The following MICU3 variants were observed in gnomAD, a reference collection of about 807,000 sequenced individuals.
The protein encoded by MICU3 is calcium uptake protein 3, mitochondrial.
In MICU3, 62 loss-of-function variants were observed where a neutral mutation model predicts 66.5. The ratio of observed to expected loss-of-function variants is 0.93; its 90% CI spans 0.76 to 1.15. MICU3 has a LOEUF of 1.15. MICU3 is among the 50% of genes most tolerant of loss of function. MICU3 has a pLI of 0.00. For synonymous variants in MICU3, 308 were observed against 240.7 expected, an observed-to-expected ratio of 1.28 and a Z score of -2.59; for missense variants, 779 against 664.4, an observed-to-expected ratio of 1.17 and a Z score of -1.90.
intron 1 of MICU3, among the ~76,000 whole-genome samples, chr8:17,037,168 C>G (rs1039769125): frequency 3.9e-5 from 6 of 152,056 alleles, no homozygotes; most frequent in Non-Finnish European, 8.8e-5. Flanking sequence ...ACAAGCGCCA[C>G]ACGCAGCCCC....
intron 1 of MICU3, among the ~76,000 whole-genome samples, chr8:17,049,795 CTAA>C (rs1375743211): frequency 1.3e-5 from 2 of 152,158 alleles, no homozygotes; most frequent in African/African-American, 2.4e-5. Context: ...TACAGTTGCA[CTAA>C]TAATATATGT....
chr8:17,093,235 A>G (rs1358721699), intron 8 of MICU3, among the ~76,000 whole-genome samples: 1 of 152,000 alleles, frequency 6.6e-6, no homozygotes, highest in East Asian at 1.9e-4. Flanking sequence ...CAGAAATTCA[A>G]AAGGATAAAT....
intron 5 of MICU3, 85 bp downstream of exon 5, chr8:17,081,825 C>T (rs1046094064): frequency 1.5e-6 from 1 of 657,694 alleles, no homozygotes; most frequent in Non-Finnish European, 2.7e-6. Context: ...TTCTCTTACT[C>T]TTGAAAATCA....
At chr8:17,125,273 A>T (rs1803376750), downstream of MICU3, among the ~76,000 whole-genome samples, 1 of 149,428 alleles carries the variant, frequency 6.7e-6, no homozygotes, top group Non-Finnish European at 1.5e-5. Flanking sequence ...TTTTTTCTTG[A>T]GTTTTCCTTT....
intron 1 of MICU3, among the ~76,000 whole-genome samples, chr8:17,057,353 T>TC (rs1329958698): frequency 3.9e-5 from 6 of 152,094 alleles, no homozygotes; most frequent in Admixed American, 2.0e-4. Flanking sequence ...CAGTTCTTGT[T>TC]CCCAGAACAT....
chr8:17,065,582 GA>G (rs1384890049), intron 2 of MICU3, among the ~76,000 whole-genome samples: 1 of 152,134 alleles, frequency 6.6e-6, no homozygotes, highest in African/African-American at 2.4e-5. Flanking sequence ...GACATAGGAA[GA>G]AAATCATAAG....
chr8:17,027,333 C>T lies in MICU3; in HGVS notation c.54C>T (p.Leu18=). The change falls in exon 1 of 15, where the codon CTC becomes CTT. Residue 18 remains leucine (L), a synonymous_variant. Coordinates refer to ENST00000318063, the MANE Select transcript of MICU3 (RefSeq NM_181723.3). ...CGCCACCCCGGGTGTCTCCTCCACT[C>T]TGCGCTCACCAGCCCCTCCTTGGGC... The part of the protein sequence containing the change: ...LWPPPRVSPP[L]CAHQPLLGPW... The T allele has an allele frequency of 3.3e-6, 5 of 1,531,580 alleles. No homozygotes were observed. The highest frequency in any genetic ancestry group is 4.4e-6 in the Non-Finnish European group (5 of 1,148,764). 94.9% of individuals were successfully genotyped at this position (1,531,580 alleles called of 1,614,324 possible). A position where few individuals can be genotyped will look rare whatever the true frequency, so the allele number is the denominator to read the frequency against.
At chr8:17,073,388 G>A (rs562714199) in intron 3 of MICU3, among the ~76,000 whole-genome samples, 2 of 151,730 alleles carry the variant, frequency 1.3e-5, no homozygotes, top group African/African-American at 4.8e-5. Flanking sequence ...GGCATGTGAG[G>A]GATCTAAGTT....
intron 9 of MICU3, among the ~76,000 whole-genome samples, chr8:17,103,491 T>C (rs1801460079): frequency 6.6e-6 from 1 of 151,850 alleles, no homozygotes; most frequent in Non-Finnish European, 1.5e-5. Flanking sequence ...TCACATTTCC[T>C]AGGATGATGT....
At chr8:17,066,933 T>C (rs2150652924) in intron 2 of MICU3, among the ~76,000 whole-genome samples, 1 of 152,250 alleles carries the variant, frequency 6.6e-6, no homozygotes, top group East Asian at 1.9e-4. Context: ...CACTGTTCGA[T>C]TTTGCTTTTT....
intron 6 of MICU3, 61 bp downstream of exon 6, chr8:17,085,379 GT>G (rs1799362739): frequency 8.4e-7 from 1 of 1,184,210 alleles, no homozygotes; most frequent in Non-Finnish European, 1.2e-6. Context: ...ATATTTTTAT[GT>G]TTTTGCCTTA....
intron 2 of MICU3, among the ~76,000 whole-genome samples, chr8:17,066,732 A>C (rs1818777693): frequency 6.6e-6 from 1 of 151,344 alleles, no homozygotes; most frequent in African/African-American, 2.4e-5. Context: ...TTTTTTGTAG[A>C]GAGAGGGTTT....
chr8:17,070,381 A>C (rs1819369419), intron 3 of MICU3, among the ~76,000 whole-genome samples: 1 of 152,114 alleles, frequency 6.6e-6, no homozygotes, highest in Admixed American at 6.6e-5. Context: ...TCAAAAATAC[A>C]AAGTATAATT....
intron 3 of MICU3, among the ~76,000 whole-genome samples, chr8:17,076,049 C>A (rs1360828873): frequency 6.6e-6 from 1 of 152,006 alleles, no homozygotes; most frequent in African/African-American, 2.4e-5. Flanking sequence ...TTTTTTGAGA[C>A]AGGTCTCACT....
chr8:17,121,821 A>G lies in MICU3; in HGVS notation c.*1534A>G, dbSNP rs1227825729. On this transcript the variant is annotated 3_prime_UTR_variant, in exon 15 of 15. Coordinates refer to ENST00000318063, the MANE Select transcript of MICU3 (RefSeq NM_181723.3). ...AAATATATTATTCATAAGTTCAAGG[A>G]TCCCATATAGTATAAGAATATAATT... 2 of 151,904 alleles carry G rather than the reference A, an allele frequency of 1.3e-5. No homozygotes were observed. Among genetic ancestry groups the G allele is most frequent in the Non-Finnish European group, 3.0e-5 (2 of 67,724 alleles). The allele number at this position is 151,904 out of a possible 1,614,324, so 9.4% of individuals were successfully genotyped here.
At chr8:17,054,231 T>C (rs1186418990) in intron 1 of MICU3, among the ~76,000 whole-genome samples, 1 of 152,202 alleles carries the variant, frequency 6.6e-6, no homozygotes, top group Non-Finnish European at 1.5e-5. Flanking sequence ...AGCCAAGAAA[T>C]TGTAATATTA....
At chr8:17,116,409 C>T in intron 12 of MICU3, 34 bp from the exon 13 acceptor site, 1 of 1,292,372 alleles carries the variant, frequency 7.7e-7, no homozygotes, top group Non-Finnish European at 1.0e-6. Context: ...AAAATAATAA[C>T]AGTCTATTCT....
intron 3 of MICU3, among the ~76,000 whole-genome samples, chr8:17,073,445 C>T (rs1439066149): frequency 6.6e-6 from 1 of 151,898 alleles, no homozygotes; most frequent in African/African-American, 2.4e-5. Context: ...GTCACTGTCT[C>T]CCATCACCCC....
the MICU3 span, among the ~76,000 whole-genome samples, chr8:17,130,561 A>G: frequency 6.6e-6 from 1 of 152,164 alleles, no homozygotes; most frequent in South Asian, 2.1e-4. Context: ...TTAAAATGAA[A>G]ATAATGCATT....
Sources: gnomAD v4.1 joint callset for allele counts (sites outside exome capture counted in the v4.1 genomes callset) on GRCh38, gnomAD v4.1.1 for gene constraint, MANE v1.5 for transcripts, NCBI Gene and HGNC (gene_info 2026-07-23, HGNC 2026-07-21) for gene names.